Variants in CFAP54 observed in about 807,000 individuals in gnomAD.
The protein encoded by CFAP54 is cilia- and flagella-associated protein 54.
A neutral mutation model predicts 370.4 loss-of-function variants in CFAP54; 290 were observed. That is an observed-to-expected ratio of 0.78 (90% CI 0.71 to 0.86). The LOEUF is 0.86. Ranked by LOEUF, CFAP54 falls within the 40% of genes least tolerant of loss-of-function variation. The pLI is 0.00. For missense variants in CFAP54, 3,399 were observed against 3,528.7 expected (o/e 0.96, Z 0.93); for synonymous variants, 1,206 against 1,236.5 (o/e 0.98, Z 0.52).
chr12:96,769,220 T>A (rs1445870382), intron 60 of CFAP54, among the ~76,000 whole-genome samples: 1 of 152,208 alleles, frequency 6.6e-6, no homozygotes, highest in East Asian at 1.9e-4. Context: ...TGATAAAAAT[T>A]TCAGCTGGGA....
rs1955471417 is a variant in CFAP54, at chr12:96,533,897, T to G, written c.1463T>G (p.Phe488Cys). ...DVISVDAAVK[F>C]IKLAFTYEEW... is the part of the protein sequence containing the mutation. Reference sequence around the variant, plus strand: ...ATTTCTGTGGATGCTGCTGTGAAATTTATAAAATTAGCTTTTACCTATGAG... The same window carrying G: ...ATTTCTGTGGATGCTGCTGTGAAATGTATAAAATTAGCTTTTACCTATGAG... The change falls in exon 10 of 68, where the codon TTT becomes TGT. Residue 488 changes from phenylalanine to cysteine, a missense_variant. Around this residue, in one of 3 missense-constraint regions of CFAP54, gnomAD observed 44 missense variants for 82.3 expected, o/e 0.53. Transcript: ENST00000524981. 6.5e-7 allele frequency: 1 copy of G among 1,535,150 alleles called. No individual in the cohort carries two copies. The highest frequency in any genetic ancestry group is 1.4e-5 in the African/African-American group (1 of 73,032).
At chr12:96,673,733 C>G (rs1957173433) in intron 39 of CFAP54, among the ~76,000 whole-genome samples, 1 of 152,146 alleles carries the variant, frequency 6.6e-6, no homozygotes, top group Non-Finnish European at 1.5e-5. Flanking sequence ...GTTTCCACAC[C>G]AGATCGCTGC....
rs79366666 is a variant in CFAP54, at chr12:96,593,886, G to T, written c.3361-405G>T. Among the ~76,000 whole-genome samples the T allele has an allele frequency of 2.6e-3, 397 of 151,894 alleles. 2 individuals carry two copies. The highest frequency in any genetic ancestry group is 9.2e-3 in the African/African-American group (381 of 41,488). On this transcript the variant is annotated intron_variant, in intron 24 of 67. Coordinates refer to ENST00000524981, the MANE Select transcript of CFAP54 (RefSeq NM_001306084.2). ...TAGCTTGGTTTACTGAAAATTTACC[G>T]TTTTCTTTCAAATCAAAAAAGGAAA...
In CFAP54 at chr12:96,658,255, A is replaced by G. The variant is rs1451956244; in HGVS notation, c.5369A>G (p.Gln1790Arg). ...GTGACACCACTTCTGGTGTATGCAC[A>G]GCGCCAGCTTCTGCTGAGAATACAG... Reference protein sequence around the residue: ...EQVTPLLVYAQRQLLLRIQKF... With the variant: ...EQVTPLLVYARRQLLLRIQKF... Residue 1790 changes from glutamine (Q) to arginine (R), a missense_variant, in exon 38 of 68, where the codon CAG (glutamine) becomes CGG (arginine). Around this residue, in one of 3 missense-constraint regions of CFAP54, gnomAD observed 2,796 missense variants for 2,869.7 expected, o/e 0.97. Transcript: ENST00000524981. 1 of 1,614,186 alleles carries G rather than the reference A, an allele frequency of 6.2e-7. No homozygotes were observed. The highest frequency in any genetic ancestry group is 8.5e-7 in the Non-Finnish European group (1 of 1,179,998).
chr12:96,573,536 C>T (rs754226744), intron 19 of CFAP54, among the ~76,000 whole-genome samples: 1 of 152,182 alleles, frequency 6.6e-6, no homozygotes, highest in Non-Finnish European at 1.5e-5. Flanking sequence ...GAGCCTCTGC[C>T]CAGCCCTGTG....
intron 32 of CFAP54, among the ~76,000 whole-genome samples, chr12:96,640,652 A>G (rs1458844026): frequency 6.6e-6 from 1 of 152,238 alleles, no homozygotes; most frequent in East Asian, 1.9e-4. Context: ...AGCTGGAGGC[A>G]TCACTCTACC....
rs559791321 is a variant in CFAP54 at position 96,555,363 on chromosome 12, G to A, written c.2410+561G>A. On this transcript the variant is annotated intron_variant, in intron 17 of 67. Coordinates refer to ENST00000524981, the MANE Select transcript of CFAP54 (RefSeq NM_001306084.2). ...GCTGGTTAATTTAAGAGTGAGCAGTGTAGACACACTGCTGATTGGTGCAGG... is the reference window on the plus strand; with the variant it reads ...GCTGGTTAATTTAAGAGTGAGCAGTATAGACACACTGCTGATTGGTGCAGG... Among the ~76,000 whole-genome samples the A allele has an allele frequency of 2.1e-4, 32 of 151,934 alleles. No individual in the cohort carries two copies. The South Asian group carries it at 6.4e-3, about 31-fold the overall frequency.
chr12:96,741,612 A>G (rs1364146686), intron 51 of CFAP54, among the ~76,000 whole-genome samples: 1 of 152,164 alleles, frequency 6.6e-6, no homozygotes, highest in Non-Finnish European at 1.5e-5. Flanking sequence ...TCAGAGATGC[A>G]TAGCAGGAAA....
rs370056526 is a variant in CFAP54 at position 96,710,049 on chromosome 12, C to T, written c.6724+1246C>T. Reference sequence around the variant, plus strand: ...CTTTTTACTTGTTAGATTCTGTTTGCTAGCATTTTGTTGAAAATGATTGCA... The same window carrying T: ...CTTTTTACTTGTTAGATTCTGTTTGTTAGCATTTTGTTGAAAATGATTGCA... On this transcript the variant is annotated intron_variant, in intron 48 of 67. Transcript: ENST00000524981. Among the ~76,000 whole-genome samples, 115 of 152,268 alleles carry T rather than the reference C, an allele frequency of 7.6e-4. No homozygotes were observed. In the South Asian group the frequency reaches 0.023, roughly 30 times the overall value.
intron 39 of CFAP54, among the ~76,000 whole-genome samples, chr12:96,668,368 A>G (rs927230450): frequency 2.0e-5 from 3 of 152,222 alleles, no homozygotes; most frequent in African/African-American, 7.2e-5. Context: ...TAATTTATAA[A>G]GAAAAAGAAG....
intron 60 of CFAP54, among the ~76,000 whole-genome samples, chr12:96,776,319 A>G (rs1184457982): frequency 6.6e-6 from 1 of 152,116 alleles, no homozygotes; most frequent in African/African-American, 2.4e-5. Context: ...TTTAGGTAAA[A>G]AAAAAATTAG....
intron 63 of CFAP54, among the ~76,000 whole-genome samples, chr12:96,796,269 A>G (rs997578711): frequency 2.3e-4 from 35 of 152,186 alleles, no homozygotes; most frequent in Middle Eastern, 3.2e-3. Flanking sequence ...GGGAACTGCA[A>G]GTTCGGCCTA....
intron 1 of CFAP54, among the ~76,000 whole-genome samples, chr12:96,491,833 T>C (rs1954888257): frequency 6.6e-6 from 1 of 152,156 alleles, no homozygotes; most frequent in East Asian, 1.9e-4. Flanking sequence ...GATCTCAGCT[T>C]ACTGCAACCT....
chr12:96,585,885 T>G (rs1956072579), intron 22 of CFAP54, among the ~76,000 whole-genome samples: 1 of 152,100 alleles, frequency 6.6e-6, no homozygotes, highest in Non-Finnish European at 1.5e-5. Context: ...GCAATATACT[T>G]TCTCTCAAAT....
At chr12:96,772,591 A>G (rs1272304489) in intron 60 of CFAP54, among the ~76,000 whole-genome samples, 3 of 137,830 alleles carry the variant, frequency 2.2e-5, no homozygotes, top group Admixed American at 7.3e-5. Flanking sequence ...TTGGTGGGCA[A>G]TTTTTTTTTT....
intron 50 of CFAP54, among the ~76,000 whole-genome samples, chr12:96,737,285 C>G (rs1387251739): frequency 2.0e-5 from 3 of 151,832 alleles, no homozygotes; most frequent in African/African-American, 7.3e-5. Context: ...ACCTTGTAGA[C>G]TTGTGGTGGG....
chr12:96,618,698 G>C (rs187908188), intron 26 of CFAP54, among the ~76,000 whole-genome samples: 75 of 152,316 alleles, frequency 4.9e-4, no homozygotes, highest in Admixed American at 4.4e-3. Flanking sequence ...GGGACCCAGT[G>C]GAGGTTGACG....
At chr12:96,539,346 C>A (rs1481001857) in intron 13 of CFAP54, among the ~76,000 whole-genome samples, 2 of 151,828 alleles carry the variant, frequency 1.3e-5, no homozygotes, top group African/African-American at 4.8e-5. Context: ...AATGTGAGCC[C>A]CTGCGCCCGG....
intron 27 of CFAP54, 150 bp downstream of exon 27, chr12:96,621,871 G>GTTTCTTTTTTTT (rs1290967830): frequency 1.9e-5 from 1 of 51,416 alleles, no homozygotes; most frequent in East Asian, 1.5e-3. Context: ...GAGCTTTTGG[G>GTTTCTTTTTTTT]TTTGTTTTTT....
Sources: allele counts gnomAD v4.1 joint callset (sites outside exome capture counted in the v4.1 genomes callset), GRCh38; gene constraint gnomAD v4.1.1; regional missense constraint gnomAD v4.1.1; transcripts MANE v1.5; gene names NCBI Gene and HGNC (gene_info 2026-07-23, HGNC 2026-07-21).